TTC6: variants seen among roughly 807,000 people sequenced by gnomAD.
The protein encoded by TTC6 is tetratricopeptide repeat protein 6.
In TTC6, 172 loss-of-function variants were observed where a neutral mutation model predicts 210.4. That is an observed-to-expected ratio of 0.82 (90% CI 0.72 to 0.93). TTC6 has a LOEUF of 0.93. Among genes scored for constraint, TTC6 ranks in the 40% least tolerant of loss-of-function variants. The pLI is 0.00. For synonymous variants in TTC6, 804 were observed against 819.6 expected (o/e 0.98, Z 0.32); for missense variants, 2,414 against 2,318.1 (o/e 1.04, Z -0.85).
At chr14:37,618,619 G>A (rs2095646477), upstream of TTC6, among the ~76,000 whole-genome samples, 1 of 152,162 alleles carries the variant, frequency 6.6e-6, no homozygotes, top group Non-Finnish European at 1.5e-5. Context: ...TATGTATTTT[G>A]TGTTGTAGGA....
intron 29 of TTC6, among the ~76,000 whole-genome samples, chr14:37,829,344 GTATT>G (rs1202602346): frequency 6.6e-6 from 1 of 151,758 alleles, no homozygotes; most frequent in Non-Finnish European, 1.5e-5. Context: ...TATTTTGAAA[GTATT>G]TAACTCCCTG....
At chr14:37,725,496 A>G (rs943176180) in intron 7 of TTC6, among the ~76,000 whole-genome samples, 5 of 151,096 alleles carry the variant, frequency 3.3e-5, no homozygotes, top group Non-Finnish European at 7.4e-5. Context: ...GATTACAGGC[A>G]TGTGCCACCA....
chr14:37,614,580 C>CTGCCTGAAGACCA (rs2095639588), intron 2 of TTC6, among the ~76,000 whole-genome samples: 1 of 151,626 alleles, frequency 6.6e-6, no homozygotes, highest in Non-Finnish European at 1.5e-5. Flanking sequence ...CATTTCTCTT[C>CTGCCTGAAGACCA]TGCCTGAAGA....
At chr14:37,776,824 C>CATTTCTCT (rs2096039177) in intron 14 of TTC6, among the ~76,000 whole-genome samples, 1 of 137,364 alleles carries the variant, frequency 7.3e-6, no homozygotes, top group Non-Finnish European at 1.6e-5. Context: ...TGGGCGGGGG[C>CATTTCTCT]GGGCTGAGGT....
At chr14:37,704,585 T>G (rs1289925004) in intron 5 of TTC6, among the ~76,000 whole-genome samples, 1 of 152,108 alleles carries the variant, frequency 6.6e-6, no homozygotes, top group East Asian at 1.9e-4. Flanking sequence ...CATTTATCTC[T>G]TTTGTATTGT....
intron 14 of TTC6, among the ~76,000 whole-genome samples, chr14:37,763,584 T>C (rs911970791): frequency 1.3e-5 from 2 of 152,172 alleles, no homozygotes; most frequent in African/African-American, 4.8e-5. Context: ...TCCAATTTGT[T>C]AGCATGCAAT....
intron 1 of TTC6, among the ~76,000 whole-genome samples, chr14:37,644,882 GATTT>G (rs2095698717): frequency 6.6e-6 from 1 of 152,102 alleles, no homozygotes; most frequent in Admixed American, 6.5e-5. Flanking sequence ...CTTGATTTGT[GATTT>G]ATTTGTTTCT....
intron 14 of TTC6, among the ~76,000 whole-genome samples, chr14:37,753,805 C>T (rs184451627): frequency 9.2e-4 from 137 of 149,186 alleles, no homozygotes; most frequent in African/African-American, 3.3e-3. Flanking sequence ...TTTTTGAACT[C>T]CTGGCTTCAA....
At chr14:37,679,548 G>T (rs1291202478) in intron 1 of TTC6, among the ~76,000 whole-genome samples, 2 of 151,996 alleles carry the variant, frequency 1.3e-5, no homozygotes, top group Non-Finnish European at 2.9e-5. Flanking sequence ...TTCCTGTGCA[G>T]TGTTTTATAC....
rs10600031 is a variant in TTC6 at position 37,741,273 on chromosome 14, C to CT, written c.2363+2156dup. Among the ~76,000 whole-genome samples, 25 of 82,296 alleles carry CT rather than the reference C, an allele frequency of 3.0e-4. 3 individuals are homozygous for CT. The highest frequency in any genetic ancestry group is 1.3e-3 in the African/African-American group (23 of 17,766). 54.0% of individuals were successfully genotyped at this position (82,296 alleles called of 152,430 possible). A position where few individuals can be genotyped will look rare whatever the true frequency, so the allele number is the denominator to read the frequency against. On this transcript the variant is annotated intron_variant, in intron 10 of 30. Coordinates refer to ENST00000553443, the Ensembl canonical transcript of TTC6. ...CCTATACTTTGAGACTTTTTTCCCA[C>CT]TTTTTTTTTTTTTTTTTTTTTTTTT...
chr14:37,703,441 C>A (rs1225113082), intron 5 of TTC6, among the ~76,000 whole-genome samples: 3 of 152,042 alleles, frequency 2.0e-5, no homozygotes, highest in Non-Finnish European at 4.4e-5. Flanking sequence ...CATAGCTTAA[C>A]CTTTTCAAAA....
chr14:37,787,889 CTGTGTGTGTGTGTGTG>C (rs3062823), intron 15 of TTC6, among the ~76,000 whole-genome samples: 3 of 147,222 alleles, frequency 2.0e-5, no homozygotes, highest in Admixed American at 6.9e-5. Flanking sequence ...GTGTGTGTGT[CTGTGTGTGTGTGTGTG>C]TGTGTGTGTG....
chr14:37,622,261 C>A lies in TTC6; in HGVS notation c.197C>A (p.Ser66Tyr), dbSNP rs2095652350. 2.6e-6 allele frequency: 4 copies of A among 1,535,186 alleles called. No homozygotes were observed. In the East Asian group the frequency reaches 9.8e-5, roughly 38 times the overall value. ...GGCCCGGCCCGCCCCGCGCGCGTTT[C>A]CTGCGCCGCAGCCCGGACGTCGAGA... Residue 66 changes from serine to tyrosine, a missense_variant, in exon 1 of 31, where the codon TCC becomes TAC. Ser to Tyr is a moderately radical substitution (Grantham distance 144). Coordinates refer to ENST00000553443, the Ensembl canonical transcript of TTC6.
chr14:37,715,694 A>G (rs912041671), intron 6 of TTC6, among the ~76,000 whole-genome samples: 4 of 152,178 alleles, frequency 2.6e-5, no homozygotes, highest in African/African-American at 9.7e-5. Flanking sequence ...GTGACAGAAC[A>G]TTTTTCAAGT....
At chr14:37,754,728 C>T (rs766616603) in intron 14 of TTC6, among the ~76,000 whole-genome samples, 1 of 152,020 alleles carries the variant, frequency 6.6e-6, no homozygotes. Flanking sequence ...CCACCATGCC[C>T]GGACTGGACT....
chr14:37,795,597 T>C (rs1207868794), intron 18 of TTC6, among the ~76,000 whole-genome samples: 1 of 152,182 alleles, frequency 6.6e-6, no homozygotes, highest in Non-Finnish European at 1.5e-5. Context: ...TTTATGTTCT[T>C]TGAGACCTTT....
chr14:37,789,513 T>C (rs1370372711), intron 15 of TTC6, among the ~76,000 whole-genome samples: 2 of 151,176 alleles, frequency 1.3e-5, no homozygotes, highest in African/African-American at 4.9e-5. Context: ...AAACCTGATA[T>C]ATGGCACTTG....
At chr14:37,787,889 C>G (rs200631025) in intron 15 of TTC6, among the ~76,000 whole-genome samples, 34 of 147,316 alleles carry the variant, frequency 2.3e-4, no homozygotes, top group Admixed American at 6.8e-4. Flanking sequence ...GTGTGTGTGT[C>G]TGTGTGTGTG....
At chr14:37,685,962 A>G (rs12433850) in intron 3 of TTC6, among the ~76,000 whole-genome samples, 52,541 of 152,114 alleles carry the variant, frequency 0.35, 10,547 homozygotes, top group Admixed American at 0.48. Context: ...CCCTTCTAAA[A>G]GGAAGTGGTA....
Sources: allele counts gnomAD v4.1 joint callset (sites outside exome capture counted in the v4.1 genomes callset), GRCh38; gene constraint gnomAD v4.1.1; transcripts MANE v1.5; gene names NCBI Gene and HGNC (gene_info 2026-07-23, HGNC 2026-07-21).